TMEM131: variants seen among roughly 807,000 people sequenced by gnomAD.
TMEM131 encodes the protein 2610524E03Rik.
Under a neutral mutation model 211.6 loss-of-function variants are expected in TMEM131, and 66 were observed. That is an observed-to-expected ratio of 0.31 (90% confidence interval 0.26 to 0.38). The LOEUF (loss-of-function observed/expected upper bound fraction) is 0.38, where lower values mean the gene tolerates loss of function less well. Ranked by LOEUF, TMEM131 falls within the 10% of genes least tolerant of loss-of-function variation. The pLI, the probability that TMEM131 is intolerant of heterozygous loss-of-function variation, is 1.00. For missense variants in TMEM131, 2,036 were observed against 2,299.3 expected (o/e 0.89, Z 2.34); for synonymous variants, 844 against 841.3 (o/e 1.00, Z -0.06).
At chr2:97,872,007 G>T (rs1674510031) in intron 4 of TMEM131, among the ~76,000 whole-genome samples, 1 of 150,936 alleles carries the variant, frequency 6.6e-6, no homozygotes, top group Admixed American at 6.6e-5. Context: ...TTGTTACAAG[G>T]AGAGAAGAGG....
chr2:97,834,739 C>G (rs1350859360), intron 9 of TMEM131, 36 bp downstream of exon 9: 1 of 1,607,952 alleles, frequency 6.2e-7, no homozygotes, highest in Non-Finnish European at 8.5e-7. Flanking sequence ...ATACTGAAAA[C>G]AAAACAACTT....
chr2:97,783,985 A>G (rs1301370415), intron 31 of TMEM131, among the ~76,000 whole-genome samples: 1 of 152,052 alleles, frequency 6.6e-6, no homozygotes, highest in East Asian at 1.9e-4. Context: ...GAGGAAAGAA[A>G]ATTACTAGAA....
At chr2:97,932,839 T>C (rs960819841) in intron 1 of TMEM131, among the ~76,000 whole-genome samples, 2 of 147,202 alleles carry the variant, frequency 1.4e-5, no homozygotes, top group Non-Finnish European at 2.9e-5. Flanking sequence ...ATGATAAACC[T>C]AAATAGGCTG....
chr2:97,859,331 A>G lies in TMEM131; in HGVS notation c.456T>C (p.His152=), dbSNP rs1179015411. The G allele has an allele frequency of 1.3e-5, 21 of 1,599,796 alleles. 1 individual carries two copies. The South Asian group carries it at 1.7e-4, about 13-fold the overall frequency. The change falls in exon 5 of 41, where the codon CAT becomes CAC. Residue 152 remains histidine, a synonymous_variant. Transcript: ENST00000186436. ...TATTTTGAAAAAATGATGCATGAAA[A>G]TGTGATGTTGTAGCAGATATTGATA... is the stretch of plus-strand genomic sequence containing the variant. The part of the protein sequence containing the change: ...TLVSISATTS[H]FHASFFQNRK...
chr2:97,908,559 T>G, intron 3 of TMEM131, 99 bp downstream of exon 3: 1 of 861,652 alleles, frequency 1.2e-6, no homozygotes, highest in Non-Finnish European at 1.8e-6. Context: ...TTGCTATTCC[T>G]TCTTCACCAA....
chr2:97,780,160 G>T (rs1679930733), intron 31 of TMEM131, among the ~76,000 whole-genome samples: 1 of 152,182 alleles, frequency 6.6e-6, no homozygotes, highest in Non-Finnish European at 1.5e-5. Flanking sequence ...TGGCAAAAAT[G>T]CAGGGCCTCA....
chr2:97,908,593 G>C (rs551863786), intron 3 of TMEM131, 65 bp downstream of exon 3: 2 of 1,196,022 alleles, frequency 1.7e-6, no homozygotes, highest in Admixed American at 2.0e-5. Flanking sequence ...AAAGAGGAGG[G>C]AGAACCACAG....
chr2:97,865,881 T>TTTTTG (rs1328649974), intron 4 of TMEM131, among the ~76,000 whole-genome samples: 7 of 152,096 alleles, frequency 4.6e-5, no homozygotes, highest in South Asian at 2.1e-4. Context: ...TTCTGGCAAG[T>TTTTTG]TTTTGTTTTG....
At chr2:97,786,140 A>T (rs1217458942) in intron 31 of TMEM131, among the ~76,000 whole-genome samples, 1 of 152,206 alleles carries the variant, frequency 6.6e-6, no homozygotes, top group Non-Finnish European at 1.5e-5. Flanking sequence ...AATAGTGTAC[A>T]GTGGTTTTGC....
intron 7 of TMEM131, among the ~76,000 whole-genome samples, chr2:97,837,857 C>G (rs1683004802): frequency 6.6e-6 from 1 of 152,200 alleles, no homozygotes; most frequent in Admixed American, 6.5e-5. Flanking sequence ...AAAGCTTCCT[C>G]ATGCCTTGTG....
intron 4 of TMEM131, among the ~76,000 whole-genome samples, chr2:97,869,199 T>C (rs1674392937): frequency 6.6e-6 from 1 of 152,240 alleles, no homozygotes; most frequent in African/African-American, 2.4e-5. Flanking sequence ...TTTTTCCTTG[T>C]GTAACTTTAG....
At chr2:97,779,743 G>A (rs999485714) in intron 31 of TMEM131, among the ~76,000 whole-genome samples, 3 of 152,208 alleles carry the variant, frequency 2.0e-5, no homozygotes, top group Admixed American at 6.5e-5. Context: ...AGGGCTGGGC[G>A]CAGCAGTGGC....
chr2:97,978,790 G>C (rs1032827024), intron 1 of TMEM131, among the ~76,000 whole-genome samples: 2 of 152,096 alleles, frequency 1.3e-5, no homozygotes, highest in African/African-American at 2.4e-5. Flanking sequence ...CCAAACTCTT[G>C]TTGATATTCT....
chr2:97,787,845 G>A (rs1182739898), intron 31 of TMEM131, among the ~76,000 whole-genome samples: 1 of 152,044 alleles, frequency 6.6e-6, no homozygotes, highest in Non-Finnish European at 1.5e-5. Context: ...CTGCACCTAC[G>A]AACCTGGTAT....
At chr2:97,853,281 T>C (rs779261861) in intron 5 of TMEM131, among the ~76,000 whole-genome samples, 5 of 151,794 alleles carry the variant, frequency 3.3e-5, no homozygotes, top group Non-Finnish European at 7.4e-5. Context: ...TGGAAATGAG[T>C]CACCATTCTA....
intron 1 of TMEM131, among the ~76,000 whole-genome samples, chr2:97,942,477 T>TAAAAA (rs34873706): frequency 6.9e-6 from 1 of 145,074 alleles, no homozygotes; most frequent in Non-Finnish European, 1.5e-5. Context: ...AAGTATAATT[T>TAAAAA]AAAAAAAAAA....
intron 1 of TMEM131, among the ~76,000 whole-genome samples, chr2:97,956,076 T>C (rs1678552670): frequency 6.6e-6 from 1 of 152,124 alleles, no homozygotes; most frequent in African/African-American, 2.4e-5. Context: ...TTCCCCAATA[T>C]TAAGGTAGAG....
At chr2:97,912,855 T>G (rs1559443062) in intron 2 of TMEM131, among the ~76,000 whole-genome samples, 2 of 152,190 alleles carry the variant, frequency 1.3e-5, no homozygotes, top group African/African-American at 4.8e-5. Context: ...AAAGGGGATA[T>G]GCGGGAGGAA....
At chr2:97,925,554 A>G (rs1676946833) in intron 2 of TMEM131, among the ~76,000 whole-genome samples, 1 of 152,246 alleles carries the variant, frequency 6.6e-6, no homozygotes, top group South Asian at 2.1e-4. Context: ...ATTCATAACA[A>G]GTGCAAACCC....
Sources: allele counts gnomAD v4.1 joint callset (sites outside exome capture counted in the v4.1 genomes callset), GRCh38; gene constraint gnomAD v4.1.1; transcripts MANE v1.5; gene names NCBI Gene and HGNC (gene_info 2026-07-23, HGNC 2026-07-21).